The following SLC6A15 variants were observed in gnomAD, a reference collection of about 807,000 sequenced individuals.
SLC6A15 encodes the protein solute carrier family 6 member 15.
SLC6A15 carries 33 observed loss-of-function variants against 68.5 expected under a neutral mutation model. That is an observed-to-expected ratio of 0.48 (90% confidence interval 0.37 to 0.64). SLC6A15 has a LOEUF of 0.64. Ranked by LOEUF, SLC6A15 falls within the 30% of genes least tolerant of loss-of-function variation. The pLI is 0.00. For missense variants in SLC6A15, 747 were observed against 874.3 expected (o/e 0.85, Z 1.84); for synonymous variants, 347 against 301.0 (o/e 1.15, Z -1.58).
Position 84,872,722 on chromosome 12 carries a change from G to T in SLC6A15, c.1182C>A (p.Asn394Lys). The T allele has an allele frequency of 1.2e-6, 2 of 1,613,066 alleles. No homozygotes were observed. Among genetic ancestry groups the T allele is most frequent in the Non-Finnish European group, 1.7e-6 (2 of 1,179,622 alleles). Residue 394 changes from asparagine to lysine, a missense_variant, in exon 8 of 12, where the codon AAC becomes AAA. Physicochemically the swap from Asn to Lys is moderately conservative, Grantham distance 94. Transcript: ENST00000266682. Reference sequence around the variant, plus strand: ...AATCTTCTGCAGTAACAGTTGAAAGGTTGATATGATGGGGAATAATATCCT... The same window carrying T: ...AATCTTCTGCAGTAACAGTTGAAAGTTTGATATGATGGGGAATAATATCCT... ...ISQDIIPHHI[N>K]LSTVTAEDYH... is the part of the protein sequence containing the mutation.
rs1870935070 is a variant in SLC6A15, at chr12:84,863,455, G to T, written c.1802C>A (p.Ala601Glu). 1 of 1,574,040 alleles carries T rather than the reference G, an allele frequency of 6.4e-7. No homozygotes were observed. Among genetic ancestry groups the T allele is most frequent in the Non-Finnish European group, 8.6e-7 (1 of 1,166,760 alleles). ...NMGLSPPGYN[A>E]WIEDKASEEF... is the part of the protein sequence containing the mutation. Reference sequence around the variant, plus strand: ...TGTATTTACCTTATCTTCAATCCATGCGTTATAGCCAGGAGGACTTAATCC... The same window carrying T: ...TGTATTTACCTTATCTTCAATCCATTCGTTATAGCCAGGAGGACTTAATCC... Residue 601 changes from alanine (A) to glutamate (E), a missense_variant, in exon 11 of 12, where the codon GCA (alanine) becomes GAA (glutamate). By Grantham distance (107) the Ala-to-Glu change is moderately radical. Coordinates refer to ENST00000266682, the MANE Select transcript of SLC6A15 (RefSeq NM_182767.6).
chr12:84,896,338 A>G (rs1000820223), intron 1 of SLC6A15, among the ~76,000 whole-genome samples: 4 of 152,132 alleles, frequency 2.6e-5, no homozygotes, highest in African/African-American at 9.7e-5. Context: ...AATATTGCTC[A>G]TGGACCAAAT....
chr12:84,893,013 T>A (rs1216454255), intron 1 of SLC6A15, among the ~76,000 whole-genome samples: 1 of 152,176 alleles, frequency 6.6e-6, no homozygotes, highest in Non-Finnish European at 1.5e-5. Flanking sequence ...TAGGCAGATC[T>A]CGAACTTCTG....
chr12:84,882,559 G>A lies in SLC6A15; in HGVS notation c.756+1300C>T, dbSNP rs1409867399. ...GCAAAGATGAATTAGACAGACTTCT[G>A]CCCTAAAAGAGTTGACTAATTGGTG... On this transcript the variant is annotated intron_variant, in intron 5 of 11. Coordinates refer to ENST00000266682, the MANE Select transcript of SLC6A15 (RefSeq NM_182767.6). 9.6e-6 allele frequency: 7 copies of A among 730,050 alleles called. No homozygotes were observed. The East Asian group carries it at 6.6e-4, about 68-fold the overall frequency. The allele number at this position is 730,050 out of a possible 1,614,324, so 45.2% of individuals were successfully genotyped here.
intron 1 of SLC6A15, among the ~76,000 whole-genome samples, chr12:84,894,385 T>C (rs1047937150): frequency 6.6e-6 from 1 of 152,166 alleles, no homozygotes; most frequent in African/African-American, 2.4e-5. Flanking sequence ...CCTAGCACTA[T>C]AACTTATTAA....
In SLC6A15 at chr12:84,870,524, G is replaced by T. The variant is rs201427505; in HGVS notation, c.1449C>A (p.Val483=). ...GSMFGTIEGI[V]TPIVDTFKVR... The stretch of plus-strand genomic sequence containing the variant: ...CTTTGAAAGTGTCCACAATAGGCGT[G>T]ACAATCCCTTCAATGGTTCCAAACA... The change falls in exon 9 of 12, where the codon GTC becomes GTA. Residue 483 remains valine (V), a synonymous_variant. Coordinates refer to ENST00000266682, the MANE Select transcript of SLC6A15 (RefSeq NM_182767.6). 2 of 1,590,108 alleles carry T rather than the reference G, an allele frequency of 1.3e-6. No individual in the cohort carries two copies. Among genetic ancestry groups the T allele is most frequent in the Non-Finnish European group, 1.7e-6 (2 of 1,167,036 alleles).
At position 84,892,209 on chromosome 12, in the gene SLC6A15, A is replaced by G; in HGVS notation, c.-89T>C. 8.1e-7 allele frequency: 1 copy of G among 1,240,442 alleles called. No individual in the cohort carries two copies. The highest frequency in any genetic ancestry group is 2.4e-5 in the East Asian group (1 of 42,348). 76.8% of individuals were successfully genotyped at this position (1,240,442 alleles called of 1,614,324 possible). ...CTATTTTTCAAAACAATGTTACTTG[A>G]TAGGAAGTAAAGACCGAGGATGATA... On this transcript the variant is annotated 5_prime_UTR_variant, in exon 2 of 12. Transcript: ENST00000266682.
At chr12:84,871,310 TAA>T (rs1185580004) in intron 8 of SLC6A15, among the ~76,000 whole-genome samples, 13 of 133,814 alleles carry the variant, frequency 9.7e-5, no homozygotes, top group African/African-American at 1.1e-4. Context: ...CCTCCCTGAT[TAA>T]AAAAAAAAAA....
At position 84,863,577 on chromosome 12, in the gene SLC6A15, C is replaced by T; in HGVS notation, c.1680G>A (p.Met560Ile). ...AATATCTGCTGGGAGCAAAGCCCAG[C>T]ATATCTTTTAGGTCTTCCATAAACC... ...IDKFMEDLKDMLGFAPSRYYY... is the reference protein window; with the variant it reads ...IDKFMEDLKDILGFAPSRYYY... Residue 560 changes from methionine to isoleucine, a missense_variant, in exon 11 of 12, where the codon ATG becomes ATA. By Grantham distance (10) the Met-to-Ile change is conservative. Coordinates refer to ENST00000266682, the MANE Select transcript of SLC6A15 (RefSeq NM_182767.6). The T allele has an allele frequency of 6.4e-7, 1 of 1,564,884 alleles. No individual in the cohort carries two copies. The highest frequency in any genetic ancestry group is 8.6e-7 in the Non-Finnish European group (1 of 1,163,660).
chr12:84,894,806 T>G (rs964019187), intron 1 of SLC6A15, among the ~76,000 whole-genome samples: 1 of 152,114 alleles, frequency 6.6e-6, no homozygotes, highest in African/African-American at 2.4e-5. Flanking sequence ...GGTCATATTT[T>G]CTATTTTAAA....
chr12:84,911,291 C>G (rs1271203912), intron 1 of SLC6A15, among the ~76,000 whole-genome samples: 2 of 152,218 alleles, frequency 1.3e-5, no homozygotes, highest in African/African-American at 2.4e-5. Flanking sequence ...TTCTCCCATA[C>G]GTCTTAAGTA....
At chr12:84,885,101 C>A (rs889960632) in intron 4 of SLC6A15, among the ~76,000 whole-genome samples, 1 of 151,884 alleles carries the variant, frequency 6.6e-6, no homozygotes, top group African/African-American at 2.4e-5. Context: ...ATTCTTATTT[C>A]TGTCCCCTTT....
intron 2 of SLC6A15, among the ~76,000 whole-genome samples, chr12:84,886,339 G>A (rs955360441): frequency 6.6e-6 from 1 of 151,916 alleles, no homozygotes; most frequent in Non-Finnish European, 1.5e-5. Flanking sequence ...GAGTAAAACA[G>A]TTTCATTTTC....
At chr12:84,876,088 CA>C (rs1871523976) in intron 6 of SLC6A15, among the ~76,000 whole-genome samples, 1 of 150,682 alleles carries the variant, frequency 6.6e-6, no homozygotes, top group African/African-American at 2.4e-5. Flanking sequence ...TTAATATGTT[CA>C]TTTTTTTTTT....
At chr12:84,903,457 T>C (rs1254607203) in intron 1 of SLC6A15, among the ~76,000 whole-genome samples, 1 of 152,138 alleles carries the variant, frequency 6.6e-6, no homozygotes, top group African/African-American at 2.4e-5. Flanking sequence ...ACTTCAAATT[T>C]AATGTCTTAA....
chr12:84,908,601 C>CATATATATATATAT (rs3084056), intron 1 of SLC6A15, among the ~76,000 whole-genome samples: 22 of 140,508 alleles, frequency 1.6e-4, no homozygotes, highest in African/African-American at 2.3e-4. Flanking sequence ...AGTAAAGAAA[C>CATATATATATATAT]ATATATATAT....
intron 1 of SLC6A15, among the ~76,000 whole-genome samples, chr12:84,901,564 T>A (rs1009485021): frequency 6.6e-6 from 1 of 151,868 alleles, no homozygotes; most frequent in Non-Finnish European, 1.5e-5. Context: ...TCTTGTTCCA[T>A]CCTTCAAAAT....
chr12:84,904,882 T>TA (rs1208259874), intron 1 of SLC6A15, among the ~76,000 whole-genome samples: 1 of 152,064 alleles, frequency 6.6e-6, no homozygotes, highest in Non-Finnish European at 1.5e-5. Context: ...ACTTAGCCAA[T>TA]AAGAAATAGA....
At chr12:84,883,311 A>T (rs780375880) in intron 5 of SLC6A15, 69 of 986,596 alleles carry the variant, frequency 7.0e-5, no homozygotes, top group Non-Finnish European at 7.9e-5. Flanking sequence ...AGAAGGAATG[A>T]TATTTAGTCT....
Sources: allele counts gnomAD v4.1 joint callset (sites outside exome capture counted in the v4.1 genomes callset), GRCh38; gene constraint gnomAD v4.1.1; transcripts MANE v1.5; gene names NCBI Gene and HGNC (gene_info 2026-07-23, HGNC 2026-07-21).